The following MARCHF11 variants were observed in gnomAD, a reference collection of about 807,000 sequenced individuals.
MARCHF11 encodes E3 ubiquitin-protein ligase MARCHF11.
Under a neutral mutation model 37.3 loss-of-function variants are expected in MARCHF11, and 29 were observed. The ratio of observed to expected loss-of-function variants is 0.78; its 90% confidence interval spans 0.58 to 1.06. MARCHF11 has a LOEUF of 1.06. Among genes scored for constraint, MARCHF11 ranks in the 50% least tolerant of loss-of-function variants. MARCHF11 has a pLI of 0.00. For missense variants in MARCHF11, 482 were observed against 533.4 expected (o/e 0.90, Z 0.95); for synonymous variants, 233 against 228.0 (o/e 1.02, Z -0.20).
At chr5:16,122,169 T>A (rs575245408) in intron 2 of MARCHF11, among the ~76,000 whole-genome samples, 1 of 152,144 alleles carries the variant, frequency 6.6e-6, no homozygotes, top group Admixed American at 6.5e-5. Flanking sequence ...AATCACCCAA[T>A]GCCTTATTCA....
intron 2 of MARCHF11, among the ~76,000 whole-genome samples, chr5:16,111,613 G>A (rs1391715633): frequency 6.6e-6 from 1 of 152,178 alleles, no homozygotes; most frequent in African/African-American, 2.4e-5. Flanking sequence ...CAGAAAATTT[G>A]CAGCCTGACT....
At chr5:16,107,982 T>A (rs1737072700) in intron 2 of MARCHF11, among the ~76,000 whole-genome samples, 1 of 152,112 alleles carries the variant, frequency 6.6e-6, no homozygotes, top group Non-Finnish European at 1.5e-5. Context: ...CATACATCCT[T>A]CAAGTCCATG....
intron 2 of MARCHF11, among the ~76,000 whole-genome samples, chr5:16,173,993 TAC>T (rs1560996278): frequency 6.6e-6 from 1 of 152,222 alleles, no homozygotes; most frequent in Admixed American, 6.5e-5. Context: ...GTTTAGGCAG[TAC>T]AGTCTGTCTT....
chr5:16,082,892 C>T (rs755185422), intron 3 of MARCHF11, among the ~76,000 whole-genome samples: 4 of 152,162 alleles, frequency 2.6e-5, no homozygotes, highest in African/African-American at 9.7e-5. Context: ...GCCATGTAAC[C>T]CAAAGTGTCA....
At chr5:16,113,463 C>T (rs555407029) in intron 2 of MARCHF11, among the ~76,000 whole-genome samples, 1 of 152,226 alleles carries the variant, frequency 6.6e-6, no homozygotes, top group Non-Finnish European at 1.5e-5. Flanking sequence ...ACTTTAAAAA[C>T]TAGGATTTTA....
At chr5:16,099,023 G>A (rs1412145879) in intron 2 of MARCHF11, among the ~76,000 whole-genome samples, 1 of 151,848 alleles carries the variant, frequency 6.6e-6, no homozygotes, top group African/African-American at 2.4e-5. Context: ...CTTCTTCCTT[G>A]TTTCTACTCT....
intron 2 of MARCHF11, among the ~76,000 whole-genome samples, chr5:16,120,893 C>G (rs1480668785): frequency 6.6e-6 from 1 of 152,186 alleles, no homozygotes; most frequent in Non-Finnish European, 1.5e-5. Flanking sequence ...TGCACGAGCC[C>G]AGTCAAGACC....
At chr5:16,159,384 T>C (rs1351062850) in intron 2 of MARCHF11, among the ~76,000 whole-genome samples, 5 of 151,886 alleles carry the variant, frequency 3.3e-5, no homozygotes, top group Non-Finnish European at 4.4e-5. Context: ...TAGTTCTTGG[T>C]GTATGAGTTA....
intron 2 of MARCHF11, among the ~76,000 whole-genome samples, chr5:16,116,936 C>T (rs991342987): frequency 6.6e-6 from 1 of 152,160 alleles, no homozygotes; most frequent in Non-Finnish European, 1.5e-5. Context: ...AGAGTAAACG[C>T]TGCCCAGATG....
At position 16,135,654 on chromosome 5, in the gene MARCHF11, T is replaced by C. The variant is rs573833998; in HGVS notation, c.693+42072A>G. Reference sequence around the variant, plus strand: ...AAGTGTTGATATAGATGAAAAGCAATCATTACATAGATGGCAATGCCAGAT... The same window carrying C: ...AAGTGTTGATATAGATGAAAAGCAACCATTACATAGATGGCAATGCCAGAT... On this transcript the variant is annotated intron_variant, in intron 2 of 3. Transcript: ENST00000332432. Among the ~76,000 whole-genome samples the C allele has an allele frequency of 1.7e-3, 253 of 152,148 alleles. 1 individual carries two copies. The highest frequency in any genetic ancestry group is 2.9e-3 in the Non-Finnish European group (195 of 67,988).
At chr5:16,150,297 G>A (rs1737869799) in intron 2 of MARCHF11, among the ~76,000 whole-genome samples, 1 of 149,466 alleles carries the variant, frequency 6.7e-6, no homozygotes, top group South Asian at 2.1e-4. Context: ...TAAGTAGTGT[G>A]AGAGTCTTGT....
At chr5:16,144,754 C>A (rs1441105605) in intron 2 of MARCHF11, among the ~76,000 whole-genome samples, 1 of 152,184 alleles carries the variant, frequency 6.6e-6, no homozygotes, top group Non-Finnish European at 1.5e-5. Flanking sequence ...ACAGTGCAAA[C>A]ACTGTGATTA....
intron 3 of MARCHF11, among the ~76,000 whole-genome samples, chr5:16,081,048 G>A (rs1337655076): frequency 6.6e-6 from 1 of 151,998 alleles, no homozygotes; most frequent in Non-Finnish European, 1.5e-5. Flanking sequence ...ACGTTACTAG[G>A]TCTAGGCTTT....
chr5:16,081,114 C>A (rs763894990), intron 3 of MARCHF11, among the ~76,000 whole-genome samples: 2 of 152,210 alleles, frequency 1.3e-5, no homozygotes, highest in Non-Finnish European at 2.9e-5. Flanking sequence ...TCTTCTCCCC[C>A]ATAGACTGCT....
chr5:16,151,649 A>G lies in MARCHF11; in HGVS notation c.693+26077T>C, dbSNP rs867454787. 1.2e-3 allele frequency among the ~76,000 whole-genome samples: 158 copies of G among 131,498 alleles called. 2 individuals are homozygous for G. Among genetic ancestry groups the G allele is most frequent in the South Asian group, 1.6e-3 (6 of 3,698 alleles). The allele number at this position is 131,498 out of a possible 152,430, so 86.3% of individuals were successfully genotyped here. A position where few individuals can be genotyped will look rare whatever the true frequency, so the allele number is the denominator to read the frequency against. ...GTGTGTGTGTGCATGCGTGAGTTGA[A>G]TGTGTGTGTGTGTGTGTGTGTGTGT... On this transcript the variant is annotated intron_variant, in intron 2 of 3. Coordinates refer to ENST00000332432, the MANE Select transcript of MARCHF11 (RefSeq NM_001102562.3).
intron 3 of MARCHF11, among the ~76,000 whole-genome samples, chr5:16,089,469 T>C (rs573963873): frequency 2.0e-5 from 3 of 152,316 alleles, no homozygotes; most frequent in African/African-American, 7.2e-5. Context: ...AGCTCAATTA[T>C]TCCGGCAACA....
At chr5:16,178,024 A>G in intron 1 of MARCHF11, 143 bp from the exon 2 acceptor site, 1 of 683,342 alleles carries the variant, frequency 1.5e-6, no homozygotes. Context: ...AAAATTTTAT[A>G]CCTCTGATGG....
chr5:16,158,024 G>A (rs1011554624), intron 2 of MARCHF11, among the ~76,000 whole-genome samples: 1 of 151,804 alleles, frequency 6.6e-6, no homozygotes, highest in Non-Finnish European at 1.5e-5. Flanking sequence ...TGGGCACAGG[G>A]CTTAAAGAGA....
intron 2 of MARCHF11, among the ~76,000 whole-genome samples, chr5:16,148,220 A>G (rs1375457072): frequency 6.6e-6 from 1 of 152,154 alleles, no homozygotes; most frequent in African/African-American, 2.4e-5. Context: ...AATTTACTTT[A>G]TGTTAAAAGA....
Sources: allele counts gnomAD v4.1 joint callset (sites outside exome capture counted in the v4.1 genomes callset), GRCh38; gene constraint gnomAD v4.1.1; transcripts MANE v1.5; gene names NCBI Gene and HGNC (gene_info 2026-07-23, HGNC 2026-07-21).